Variants in ARHGAP22 observed in about 807,000 individuals in gnomAD.
ARHGAP22 encodes the protein Rho GTPase activating protein 22, also known as rho GTPase-activating protein 22.
A neutral mutation model predicts 59.1 loss-of-function variants in ARHGAP22; 48 were observed. That is an observed-to-expected ratio of 0.81 (90% CI 0.64 to 1.03). The LOEUF (loss-of-function observed/expected upper bound fraction) is 1.03, where lower values mean the gene tolerates loss of function less well. Ranked by LOEUF, ARHGAP22 falls within the 50% of genes least tolerant of loss-of-function variation. The probability of loss-of-function intolerance (pLI) is 0.00; values close to 1 mark genes in which losing one functional copy is unlikely to be tolerated. For missense variants in ARHGAP22, 1,015 were observed against 958.7 expected (o/e 1.06, Z -0.78); for synonymous variants, 445 against 416.4 (o/e 1.07, Z -0.84).
chr10:48,438,602 A>G, the ARHGAP22 span: 1 of 152,220 alleles, frequency 6.6e-6, no homozygotes, highest in Non-Finnish European at 1.5e-5. Flanking sequence ...ATAATGACTT[A>G]CAAATTAAAC....
intron 8 of ARHGAP22, chr10:48,451,365 G>C: frequency 1.4e-6 from 1 of 727,630 alleles, no homozygotes; most frequent in Non-Finnish European, 2.5e-6. Flanking sequence ...CAGGCACAGA[G>C]CCGCAAGCAG....
intron 4 of ARHGAP22, 89 bp from the exon 5 acceptor site, chr10:48,459,980 G>T: frequency 1.5e-6 from 2 of 1,312,540 alleles, no homozygotes; most frequent in South Asian, 1.4e-5. Flanking sequence ...CACTGTTAGG[G>T]CTAAAGGTGG....
At chr10:48,628,470 T>G (rs2061523261) in intron 1 of ARHGAP22, among the ~76,000 whole-genome samples, 1 of 152,192 alleles carries the variant, frequency 6.6e-6, no homozygotes, top group African/African-American at 2.4e-5. Flanking sequence ...AGGTGGCTCC[T>G]GTCTGTTTCC....
intron 1 of ARHGAP22, among the ~76,000 whole-genome samples, chr10:48,642,919 G>C (rs1353064429): frequency 3.9e-5 from 6 of 152,166 alleles, no homozygotes; most frequent in Admixed American, 2.6e-4. Flanking sequence ...CCATCAAAAA[G>C]TGGGCAAAGG....
At position 48,451,562 on chromosome 10, in the gene ARHGAP22, A is replaced by ACT. The variant is rs2045951910; in HGVS notation, c.989-424_989-423dup. ...ACAACTGCCATGCCTGAATGTCCACACTCTGGGAGCATAGGGCTCTGGGAC... is the reference window on the plus strand; with the variant it reads ...ACAACTGCCATGCCTGAATGTCCACACTCTCTGGGAGCATAGGGCTCTGGGAC... On this transcript the variant is annotated intron_variant, in intron 8 of 9. Transcript: ENST00000249601. The ACT allele has an allele frequency of 5.7e-6, 4 of 702,076 alleles. No homozygotes were observed. The Admixed American group carries it at 8.0e-5, about 14-fold the overall frequency. The allele number at this position is 702,076 out of a possible 1,614,324, so 43.5% of individuals were successfully genotyped here.
rs531951839 is a variant in ARHGAP22, at chr10:48,516,467, G to A, written c.323-36703C>T. Among the ~76,000 whole-genome samples, 6 of 152,276 alleles carry A rather than the reference G, an allele frequency of 3.9e-5. No homozygotes were observed. In the South Asian group the frequency reaches 1.2e-3, roughly 32 times the overall value. ...TGCTGGAGCCCAGAGGTTTGAAGCT[G>A]CAGTGAGCCATGATTGTACCACTGG... On this transcript the variant is annotated intron_variant, in intron 3 of 9. Transcript: ENST00000249601.
intron 1 of ARHGAP22, among the ~76,000 whole-genome samples, chr10:48,629,929 T>C (rs1407375216): frequency 6.6e-6 from 1 of 152,238 alleles, no homozygotes. Context: ...GTTAATTTTA[T>C]AACTAAATAT....
At chr10:48,573,821 A>G (rs890770901) in intron 2 of ARHGAP22, among the ~76,000 whole-genome samples, 14 of 152,218 alleles carry the variant, frequency 9.2e-5, no homozygotes, top group African/African-American at 3.4e-4. Context: ...ATCTATAGCT[A>G]GTAGGTGGTA....
chr10:48,446,657 G>A (rs1399904927), intron 9 of ARHGAP22, 38 bp from the exon 10 acceptor site: 13 of 1,584,928 alleles, frequency 8.2e-6, no homozygotes, highest in African/African-American at 4.0e-5. Context: ...GAGACTCTGC[G>A]GGCCAGGTTC....
intron 1 of ARHGAP22, among the ~76,000 whole-genome samples, chr10:48,647,986 C>T (rs992979743): frequency 6.6e-6 from 1 of 152,116 alleles, no homozygotes; most frequent in African/African-American, 2.4e-5. Context: ...CCAGAAAAGG[C>T]ACATTTATGA....
At chr10:48,566,650 C>T (rs1401090291) in intron 2 of ARHGAP22, among the ~76,000 whole-genome samples, 1 of 152,222 alleles carries the variant, frequency 6.6e-6, no homozygotes, top group African/African-American at 2.4e-5. Flanking sequence ...ATCCACAGGT[C>T]TGCAGTCAGC....
intron 1 of ARHGAP22, among the ~76,000 whole-genome samples, chr10:48,633,624 G>C (rs2061703063): frequency 1.3e-5 from 2 of 152,166 alleles, no homozygotes; most frequent in South Asian, 4.1e-4. Context: ...AGGGCATAGA[G>C]TAAGCAGGTG....
chr10:48,593,801 A>G (rs1456363231), intron 1 of ARHGAP22, among the ~76,000 whole-genome samples: 8 of 152,246 alleles, frequency 5.3e-5, no homozygotes, highest in Admixed American at 5.2e-4. Flanking sequence ...ACTTTATATA[A>G]AAAGGAAAGA....
At chr10:48,555,417 C>A in intron 3 of ARHGAP22, 46 bp downstream of exon 3, 9 of 1,584,918 alleles carry the variant, frequency 5.7e-6, no homozygotes, top group Non-Finnish European at 7.8e-6. Context: ...AGGGGCATGG[C>A]AACACCCCCA....
At chr10:48,453,822 C>A (rs1305037433) in intron 7 of ARHGAP22, among the ~76,000 whole-genome samples, 1 of 152,144 alleles carries the variant, frequency 6.6e-6, no homozygotes, top group African/African-American at 2.4e-5. Context: ...CAAGAGGCAC[C>A]CAGGAGGGAC....
chr10:48,521,438 T>C (rs2053799004), intron 3 of ARHGAP22, among the ~76,000 whole-genome samples: 1 of 152,222 alleles, frequency 6.6e-6, no homozygotes. Flanking sequence ...GATTATAGAA[T>C]ATTTCAGCTT....
At chr10:48,476,195 C>G (rs2048717791) in intron 4 of ARHGAP22, among the ~76,000 whole-genome samples, 2 of 152,232 alleles carry the variant, frequency 1.3e-5, no homozygotes, top group African/African-American at 4.8e-5. Context: ...ATTTGCGAGT[C>G]CATTGCAGGT....
intron 9 of ARHGAP22, among the ~76,000 whole-genome samples, chr10:48,449,164 T>G (rs1287137854): frequency 6.6e-6 from 1 of 152,240 alleles, no homozygotes; most frequent in Non-Finnish European, 1.5e-5. Flanking sequence ...CCCTGTAGTT[T>G]GGTCTGTGAG....
At chr10:48,449,126 C>T (rs915336506) in intron 9 of ARHGAP22, among the ~76,000 whole-genome samples, 1 of 152,222 alleles carries the variant, frequency 6.6e-6, no homozygotes, top group Non-Finnish European at 1.5e-5. Flanking sequence ...GCATGGACAG[C>T]CTTCTGTATG....
Sources: gnomAD v4.1 joint callset for allele counts (sites outside exome capture counted in the v4.1 genomes callset) on GRCh38, gnomAD v4.1.1 for gene constraint, MANE v1.5 for transcripts, NCBI Gene and HGNC (gene_info 2026-07-23, HGNC 2026-07-21) for gene names.